The following EXOSC7 variants were observed in gnomAD, a reference collection of about 807,000 sequenced individuals.
The protein encoded by EXOSC7 is exosome component 7.
Under a neutral mutation model 34.3 loss-of-function variants are expected in EXOSC7, and 25 were observed. That is an observed-to-expected ratio of 0.73 (90% confidence interval 0.53 to 1.02). The LOEUF (loss-of-function observed/expected upper bound fraction) is 1.02, where lower values mean the gene tolerates loss of function less well. Among genes scored for constraint, EXOSC7 ranks in the 50% least tolerant of loss-of-function variants. The probability of loss-of-function intolerance (pLI) is 0.00; values close to 1 mark genes in which losing one functional copy is unlikely to be tolerated. For synonymous variants in EXOSC7, 130 were observed against 143.0 expected (o/e 0.91, Z 0.65); for missense variants, 370 against 368.5 (o/e 1.00, Z -0.03).
intron 1 of EXOSC7, among the ~76,000 whole-genome samples, chr3:44,981,837 G>C (rs1706277285): frequency 6.6e-6 from 1 of 152,144 alleles, no homozygotes; most frequent in South Asian, 2.1e-4. Flanking sequence ...GAGCCCAGGA[G>C]TTGGAGATTT....
intron 4 of EXOSC7, 94 bp downstream of exon 4, chr3:44,997,346 G>A (rs1706750664): frequency 8.3e-7 from 1 of 1,204,814 alleles, no homozygotes; most frequent in Non-Finnish European, 1.2e-6. Context: ...CTCTTCAGGT[G>A]GATGCTTTCA....
At chr3:44,992,474 C>T (rs1384917977) in intron 3 of EXOSC7, among the ~76,000 whole-genome samples, 2 of 152,146 alleles carry the variant, frequency 1.3e-5, no homozygotes, top group African/African-American at 4.8e-5. Context: ...GACACTGTCG[C>T]CACCTCCATA....
chr3:45,011,455 A>G lies in EXOSC7; in HGVS notation c.*116A>G. On this transcript the variant is annotated 3_prime_UTR_variant, in exon 8 of 8. Coordinates refer to ENST00000265564, the MANE Select transcript of EXOSC7 (RefSeq NM_015004.4). ...AGCAGCATTTGTACATGTAAAATTA[A>G]AGGCTATTTTCTGGTCTGGTTTGGT... 1.4e-6 allele frequency: 1 copy of G among 700,230 alleles called. No homozygotes were observed. Among genetic ancestry groups the G allele is most frequent in the Non-Finnish European group, 2.4e-6 (1 of 411,972 alleles). The allele number at this position is 700,230 out of a possible 1,614,324, so 43.4% of individuals were successfully genotyped here. A position where few individuals can be genotyped will look rare whatever the true frequency, so the allele number is the denominator to read the frequency against.
chr3:44,987,478 G>A (rs1271187126), intron 1 of EXOSC7, among the ~76,000 whole-genome samples: 2 of 151,998 alleles, frequency 1.3e-5, no homozygotes, highest in Non-Finnish European at 2.9e-5. Context: ...AGGCTGAGGC[G>A]GGAGAAGCGC....
intron 7 of EXOSC7, among the ~76,000 whole-genome samples, chr3:45,008,434 C>G (rs1707116034): frequency 6.6e-6 from 1 of 152,234 alleles, no homozygotes; most frequent in Non-Finnish European, 1.5e-5. Context: ...TCTACTTTCT[C>G]TCTTTATCAT....
At chr3:44,999,046 G>C (rs187466574) in intron 4 of EXOSC7, among the ~76,000 whole-genome samples, 302 of 152,314 alleles carry the variant, frequency 2.0e-3, no homozygotes, top group Non-Finnish European at 3.3e-3. Flanking sequence ...GTAATCCTTT[G>C]TTCATCCTCA....
intron 3 of EXOSC7, among the ~76,000 whole-genome samples, chr3:44,993,685 A>C (rs1287030323): frequency 6.6e-6 from 1 of 152,180 alleles, no homozygotes; most frequent in African/African-American, 2.4e-5. Context: ...TGCTTTATGA[A>C]GGGTCAGAAT....
chr3:45,008,929 AAT>A (rs765375662), intron 7 of EXOSC7, among the ~76,000 whole-genome samples: 15 of 152,196 alleles, frequency 9.9e-5, no homozygotes, highest in Non-Finnish European at 2.9e-5. Context: ...CACTGCTTTA[AAT>A]ATATCATTTA....
At chr3:44,988,582 G>A (rs759103604) in intron 1 of EXOSC7, among the ~76,000 whole-genome samples, 11 of 152,302 alleles carry the variant, frequency 7.2e-5, no homozygotes, top group Non-Finnish European at 1.5e-4. Flanking sequence ...GCATGGCTAT[G>A]TTCCAGTAAA....
chr3:45,007,677 T>G, intron 7 of EXOSC7, 102 bp downstream of exon 7: 1 of 1,295,696 alleles, frequency 7.7e-7, no homozygotes, highest in Admixed American at 2.9e-5. Context: ...TTCACAGCCT[T>G]GACCCCAAAC....
At position 44,976,286 on chromosome 3, in the gene EXOSC7, CGTGA is replaced by C. The variant is rs1706007927; in HGVS notation, c.10_13del (p.Val4ArgfsTer2). On this transcript the variant is annotated frameshift_variant, in exon 1 of 8. Transcript: ENST00000265564. LOFTEE classifies it high-confidence loss of function. ...TGGGGCAGCTCGGCAGCATGGCGTCCGTGACGCTGAGCGAGGCGGAGAAGGTGTA... is the reference window on the plus strand; with the variant it reads ...TGGGGCAGCTCGGCAGCATGGCGTCCCGCTGAGCGAGGCGGAGAAGGTGTA... The C allele has an allele frequency of 6.4e-6, 10 of 1,563,252 alleles. No individual in the cohort carries two copies. Among genetic ancestry groups the C allele is most frequent in the Non-Finnish European group, 8.6e-6 (10 of 1,160,788 alleles).
intron 5 of EXOSC7, 178 bp from the exon 6 acceptor site, chr3:45,005,113 G>T (rs529895979): frequency 6.5e-6 from 4 of 617,712 alleles, no homozygotes; most frequent in African/African-American, 3.7e-5. Flanking sequence ...TTTCCTCATT[G>T]CACTGCGGCG....
intron 6 of EXOSC7, among the ~76,000 whole-genome samples, chr3:45,006,636 T>C (rs1707053551): frequency 6.6e-6 from 1 of 150,392 alleles, no homozygotes; most frequent in Non-Finnish European, 1.5e-5. Flanking sequence ...CAGGATGGTC[T>C]CGATCTCCTG....
rs114882092 is a variant in EXOSC7, at chr3:44,979,046, C to T, written c.57+2712C>T. ...TTGGGCACAGTTGTTGGTAAATGCTCAGCTCTGTGTATCACAGAGCCATGC... is the reference window on the plus strand; with the variant it reads ...TTGGGCACAGTTGTTGGTAAATGCTTAGCTCTGTGTATCACAGAGCCATGC... On this transcript the variant is annotated intron_variant, in intron 1 of 7. Transcript: ENST00000265564. 1.5e-3 allele frequency among the ~76,000 whole-genome samples: 223 copies of T among 152,326 alleles called. 2 individuals are homozygous for T. The highest frequency in any genetic ancestry group is 4.8e-3 in the African/African-American group (199 of 41,564).
chr3:45,001,262 G>C (rs1004722030), intron 4 of EXOSC7, among the ~76,000 whole-genome samples: 1 of 152,050 alleles, frequency 6.6e-6, no homozygotes, highest in African/African-American at 2.4e-5. Flanking sequence ...AGACCAGCCT[G>C]GCCAACATGG....
At chr3:44,992,553 C>G (rs896212329) in intron 3 of EXOSC7, among the ~76,000 whole-genome samples, 2 of 152,342 alleles carry the variant, frequency 1.3e-5, no homozygotes, top group South Asian at 2.1e-4. Context: ...GGAAAGACTG[C>G]TGCACTGACC....
rs1707004830 is a variant in EXOSC7 at position 45,005,354 on chromosome 3, C to G, written c.555C>G (p.Asp185Glu). 2 of 1,613,586 alleles carry G rather than the reference C, an allele frequency of 1.2e-6. No homozygotes were observed. Among genetic ancestry groups the G allele is most frequent in the African/African-American group, 1.3e-5 (1 of 74,886 alleles). Residue 185 changes from aspartate (D) to glutamate (E), a missense_variant, in exon 6 of 8, where the codon GAC becomes GAG. Coordinates refer to ENST00000265564, the MANE Select transcript of EXOSC7 (RefSeq NM_015004.4). ...CGAAGGACATTGAATTGTCAGATGA[C>G]CCTTATGACTGCATACGACTAAGTG... is the stretch of plus-strand genomic sequence containing the variant. ...EGSKDIELSD[D>E]PYDCIRLSVE...
At chr3:45,004,437 G>A (rs1255163256) in intron 5 of EXOSC7, 1 of 151,984 alleles carries the variant, frequency 6.6e-6, no homozygotes, top group African/African-American at 2.4e-5. Flanking sequence ...TGTATTTTTA[G>A]TAGAGATGGG....
chr3:44,989,312 C>T, intron 2 of EXOSC7, 71 bp downstream of exon 2: 1 of 1,206,168 alleles, frequency 8.3e-7, no homozygotes, highest in East Asian at 2.4e-5. Flanking sequence ...GCTGCTGACG[C>T]TGTCTGGCTT....
Sources: allele counts gnomAD v4.1 joint callset (sites outside exome capture counted in the v4.1 genomes callset), GRCh38; gene constraint gnomAD v4.1.1; transcripts MANE v1.5; gene names NCBI Gene and HGNC (gene_info 2026-07-23, HGNC 2026-07-21).